TYW1B: variants seen among roughly 807,000 people sequenced by gnomAD.
TYW1B encodes the protein S-adenosyl-L-methionine-dependent tRNA 4-demethylwyosine synthase TYW1B.
TYW1B carries 73 observed loss-of-function variants against 86.9 expected under a neutral mutation model. The observed-to-expected ratio is 0.84, with a 90% CI of 0.70 to 1.02. TYW1B has a LOEUF of 1.02. Ranked by LOEUF, TYW1B falls within the 50% of genes least tolerant of loss-of-function variation. The probability of loss-of-function intolerance (pLI) is 0.00; values close to 1 mark genes in which losing one functional copy is unlikely to be tolerated. For missense variants in TYW1B, 637 were observed against 827.4 expected (o/e 0.77, Z 2.82); for synonymous variants, 248 against 292.8 (o/e 0.85, Z 1.56).
chr7:72,666,935 G>A (rs1207101972), intron 11 of TYW1B, among the ~76,000 whole-genome samples: 1 of 144,016 alleles, frequency 6.9e-6, no homozygotes, highest in Non-Finnish European at 1.5e-5. Flanking sequence ...AGGAGGCTGA[G>A]GCAGGAGAAT....
intron 4 of TYW1B, among the ~76,000 whole-genome samples, chr7:72,808,211 G>A (rs1377159296): frequency 1.3e-5 from 2 of 152,128 alleles, no homozygotes; most frequent in Non-Finnish European, 2.9e-5. Flanking sequence ...CCAGCACCTT[G>A]GGAGACCGGA....
chr7:72,633,199 A>C (rs1812584032), intron 11 of TYW1B, among the ~76,000 whole-genome samples: 1 of 152,222 alleles, frequency 6.6e-6, no homozygotes, highest in Admixed American at 6.5e-5. Flanking sequence ...CTGCCCCTTA[A>C]TTTGCATGTA....
chr7:72,608,469 T>C (rs1415117590), intron 13 of TYW1B, among the ~76,000 whole-genome samples: 5 of 152,168 alleles, frequency 3.3e-5, no homozygotes, highest in African/African-American at 1.2e-4. Context: ...TTGACACCAG[T>C]AGACTGTGAT....
intron 8 of TYW1B, among the ~76,000 whole-genome samples, chr7:72,733,976 T>C (rs530274550): frequency 1.3e-5 from 2 of 152,102 alleles, no homozygotes; most frequent in East Asian, 1.9e-4. Flanking sequence ...AAATATACTA[T>C]AGCCAGATGC....
At chr7:72,824,361 G>A (rs1788891142) in intron 2 of TYW1B, among the ~76,000 whole-genome samples, 1 of 152,124 alleles carries the variant, frequency 6.6e-6, no homozygotes, top group African/African-American at 2.4e-5. Flanking sequence ...AGCACTTTGA[G>A]GGCCAAGGTG....
chr7:72,625,358 T>A (rs1554438592), intron 12 of TYW1B, among the ~76,000 whole-genome samples: 2 of 151,942 alleles, frequency 1.3e-5, no homozygotes, highest in East Asian at 3.9e-4. Context: ...GTGGCTCACG[T>A]CTGTAATCCC....
chr7:72,800,655 T>C (rs1428311769), intron 6 of TYW1B, among the ~76,000 whole-genome samples: 2 of 149,968 alleles, frequency 1.3e-5, no homozygotes, highest in Non-Finnish European at 1.5e-5. Context: ...TAGAGATACC[T>C]TGTGGTATGT....
In TYW1B at chr7:72,807,287, C is replaced by T. The variant is rs782126507; in HGVS notation, c.502G>A (p.Asp168Asn). The T allele has an allele frequency of 2.0e-5, 32 of 1,614,020 alleles. No individual in the cohort carries two copies. The East Asian group carries it at 6.2e-4, about 31-fold the overall frequency. The change falls in exon 5 of 14, where the codon GAC (aspartate) becomes AAC (asparagine). Residue 168 changes from aspartate to asparagine, a missense_variant. Physicochemically the swap from Asp to Asn is conservative, Grantham distance 23. Coordinates refer to ENST00000620995, the MANE Select transcript of TYW1B (RefSeq NM_001145440.3). ...VHRVMSRGEG[D>N]CDVVKSKHGS... Reference sequence around the variant, plus strand: ...TGCTTGCTTTTAACCACGTCGCAGTCGCCCTCCCCTCGACTCATCACACGA... The same window carrying T: ...TGCTTGCTTTTAACCACGTCGCAGTTGCCCTCCCCTCGACTCATCACACGA...
chr7:72,626,659 T>A (rs2960930), intron 12 of TYW1B, among the ~76,000 whole-genome samples: 27,787 of 151,990 alleles, frequency 0.18, 3,063 homozygotes, highest in East Asian at 0.55. Context: ...TTGATTCTTT[T>A]TTCGTTCAGC....
chr7:72,783,212 A>G (rs1788076761), intron 6 of TYW1B, among the ~76,000 whole-genome samples: 1 of 152,074 alleles, frequency 6.6e-6, no homozygotes, highest in Non-Finnish European at 1.5e-5. Context: ...CAGCCTGGCC[A>G]ACATGATGAA....
intron 7 of TYW1B, among the ~76,000 whole-genome samples, chr7:72,745,842 G>A (rs1227128674): frequency 4.0e-4 from 42 of 104,048 alleles, no homozygotes; most frequent in African/African-American, 1.4e-3. Flanking sequence ...GCCTTTACAC[G>A]TGTATAGGGG....
chr7:72,691,061 A>C (rs1814145261), intron 11 of TYW1B, among the ~76,000 whole-genome samples: 4 of 152,198 alleles, frequency 2.6e-5, no homozygotes, highest in Admixed American at 6.6e-5. Flanking sequence ...CCAGCATTTG[A>C]GTTTTTATAT....
intron 13 of TYW1B, among the ~76,000 whole-genome samples, chr7:72,588,150 G>A (rs1554430791): frequency 6.6e-6 from 1 of 152,162 alleles, no homozygotes; most frequent in Non-Finnish European, 1.5e-5. Context: ...GGATTCACAT[G>A]GTAACAGTTG....
intron 10 of TYW1B, among the ~76,000 whole-genome samples, chr7:72,709,508 A>G (rs534640592): frequency 5.9e-5 from 9 of 152,236 alleles, no homozygotes; most frequent in African/African-American, 1.9e-4. Flanking sequence ...CTCTACTAAA[A>G]ATACAAAAAA....
chr7:72,721,364 C>T lies in TYW1B; in HGVS notation c.1192+7458G>A, dbSNP rs528543955. On this transcript the variant is annotated intron_variant, in intron 9 of 13. Coordinates refer to ENST00000620995, the MANE Select transcript of TYW1B (RefSeq NM_001145440.3). ...TTGAACTAGTTTACAGTCCCATCAACGGTGTAAAAGTGTTCCTATTTCTCC... is the reference window on the plus strand; with the variant it reads ...TTGAACTAGTTTACAGTCCCATCAATGGTGTAAAAGTGTTCCTATTTCTCC... 1.1e-3 allele frequency among the ~76,000 whole-genome samples: 163 copies of T among 152,270 alleles called. No homozygotes were observed. In the Middle Eastern group the frequency reaches 0.014, roughly 13 times the overall value.
intron 7 of TYW1B, among the ~76,000 whole-genome samples, chr7:72,747,271 A>C (rs1316295984): frequency 1.3e-5 from 2 of 152,138 alleles, no homozygotes; most frequent in Non-Finnish European, 2.9e-5. Context: ...TGGGTTTATC[A>C]GGGGTTTCCA....
At chr7:72,802,219 C>A (rs6952471) in intron 6 of TYW1B, among the ~76,000 whole-genome samples, 181 bp downstream of exon 6, 284 of 151,488 alleles carry the variant, frequency 1.9e-3, no homozygotes, top group African/African-American at 6.5e-3. Flanking sequence ...TTTCACAGGC[C>A]TGAGAGGGGA....
chr7:72,647,665 GAGGAGTATTT>G, intron 11 of TYW1B, among the ~76,000 whole-genome samples: 1 of 152,100 alleles, frequency 6.6e-6, no homozygotes, highest in Non-Finnish European at 1.5e-5. Context: ...AACTGTTTTA[GAGGAGTATTT>G]GTTGACAAGG....
At chr7:72,734,657 G>A (rs1450674414) in intron 8 of TYW1B, among the ~76,000 whole-genome samples, 15 of 152,132 alleles carry the variant, frequency 9.9e-5, no homozygotes, top group African/African-American at 3.6e-4. Context: ...ACAATCAACA[G>A]GGTGAAGAGA....
Sources: gnomAD v4.1 joint callset for allele counts (sites outside exome capture counted in the v4.1 genomes callset) on GRCh38, gnomAD v4.1.1 for gene constraint, MANE v1.5 for transcripts, NCBI Gene and HGNC (gene_info 2026-07-23, HGNC 2026-07-21) for gene names.